Variants in PYHIN1 observed in about 807,000 individuals in gnomAD.
PYHIN1 encodes the protein pyrin and HIN domain-containing protein 1.
A neutral mutation model predicts 43.7 loss-of-function variants in PYHIN1; 32 were observed. The ratio of observed to expected loss-of-function variants is 0.73; its 90% CI spans 0.55 to 0.98. PYHIN1 has a LOEUF of 0.98. Among genes scored for constraint, PYHIN1 ranks in the 50% least tolerant of loss-of-function variants. The pLI, the probability that PYHIN1 is intolerant of heterozygous loss-of-function variation, is 0.00. For missense variants in PYHIN1, 588 were observed against 589.5 expected (o/e 1.00, Z 0.03); for synonymous variants, 205 against 203.1 (o/e 1.01, Z -0.08).
chr1:158,970,546 GT>G (rs1162175426), intron 7 of PYHIN1, among the ~76,000 whole-genome samples: 2 of 151,868 alleles, frequency 1.3e-5, no homozygotes, highest in African/African-American at 4.8e-5. Flanking sequence ...GATCTTATCA[GT>G]TTTGACTTAT....
At chr1:158,957,495 G>T (rs915545893) in intron 7 of PYHIN1, among the ~76,000 whole-genome samples, 1 of 151,342 alleles carries the variant, frequency 6.6e-6, no homozygotes, top group Non-Finnish European at 1.5e-5. Flanking sequence ...AGAAAAACAA[G>T]CAATGGGGAA....
chr1:158,988,975 A>G, the PYHIN1 span, among the ~76,000 whole-genome samples: 1 of 152,118 alleles, frequency 6.6e-6, no homozygotes, highest in Admixed American at 6.5e-5. Context: ...CCTGTACCAA[A>G]GGATGTTGAA....
intron 1 of PYHIN1, among the ~76,000 whole-genome samples, chr1:158,932,225 T>C (rs1430022752): frequency 6.6e-6 from 1 of 152,182 alleles, no homozygotes; most frequent in East Asian, 1.9e-4. Flanking sequence ...AAATACTGCA[T>C]GTTCTCACTT....
chr1:158,947,891 T>A (rs1308775494), intron 7 of PYHIN1, among the ~76,000 whole-genome samples: 1 of 152,238 alleles, frequency 6.6e-6, no homozygotes, highest in Non-Finnish European at 1.5e-5. Context: ...ACCTCCTTTG[T>A]ACCCACTTTA....
intron 7 of PYHIN1, among the ~76,000 whole-genome samples, chr1:158,967,288 T>C (rs1367118158): frequency 6.6e-6 from 1 of 152,020 alleles, no homozygotes; most frequent in Non-Finnish European, 1.5e-5. Flanking sequence ...TTGGATCCAT[T>C]TTTCTCATAA....
the PYHIN1 span, among the ~76,000 whole-genome samples, chr1:158,988,590 T>C: frequency 1.3e-5 from 2 of 152,196 alleles, no homozygotes; most frequent in Non-Finnish European, 2.9e-5. Context: ...ATCCTCATTA[T>C]ATAGTGAGAG....
At chr1:158,971,584 A>G (rs1650935925) in intron 7 of PYHIN1, among the ~76,000 whole-genome samples, 1 of 152,048 alleles carries the variant, frequency 6.6e-6, no homozygotes, top group Non-Finnish European at 1.5e-5. Flanking sequence ...GAGTGCTGAT[A>G]GCAAAATGAA....
chr1:158,974,848 C>T (rs1198775323), intron 8 of PYHIN1, among the ~76,000 whole-genome samples: 2 of 152,048 alleles, frequency 1.3e-5, no homozygotes, highest in Admixed American at 6.6e-5. Flanking sequence ...CATATGTAGT[C>T]ATTACCAGCT....
At chr1:158,961,314 C>T (rs1650306104) in intron 7 of PYHIN1, among the ~76,000 whole-genome samples, 3 of 151,978 alleles carry the variant, frequency 2.0e-5, no homozygotes. Flanking sequence ...ATTTGTTCTT[C>T]CTTACACTAA....
chr1:158,945,928 T>A (rs571450421), intron 7 of PYHIN1, among the ~76,000 whole-genome samples: 2 of 152,138 alleles, frequency 1.3e-5, no homozygotes, highest in African/African-American at 4.8e-5. Context: ...ATAGACACAC[T>A]CAAACATAAA....
intron 7 of PYHIN1, among the ~76,000 whole-genome samples, chr1:158,960,842 A>C (rs1436799862): frequency 6.6e-6 from 1 of 152,244 alleles, no homozygotes; most frequent in Non-Finnish European, 1.5e-5. Flanking sequence ...TTCTCATCTA[A>C]ATTCCACCAT....
At chr1:158,944,165 T>C (rs1291923454) in intron 6 of PYHIN1, among the ~76,000 whole-genome samples, 187 bp downstream of exon 6, 3 of 152,186 alleles carry the variant, frequency 2.0e-5, no homozygotes, top group Admixed American at 1.3e-4. Context: ...TGGACAATTA[T>C]CTTCTTCAAA....
At position 158,939,074 on chromosome 1, in the gene PYHIN1, T is replaced by G. The variant is rs927293599; in HGVS notation, c.412-6T>G. 5.7e-6 allele frequency: 9 copies of G among 1,572,762 alleles called. No individual in the cohort carries two copies. In the African/African-American group the frequency reaches 1.2e-4, roughly 22 times the overall value. ...GTAATTAACAAGAAAAATAAACTAC[T>G]TGTAGAAAAGAAAAAAACCATCTGA... On this transcript the variant is annotated splice_region_variant and splice_polypyrimidine_tract_variant and intron_variant, in intron 3 of 8. Transcript: ENST00000368140.
downstream of PYHIN1, among the ~76,000 whole-genome samples, chr1:158,977,974 G>A (rs116776556): frequency 7.7e-3 from 1,179 of 152,188 alleles, 16 homozygotes; most frequent in African/African-American, 0.027. Flanking sequence ...TGAAAAAGTA[G>A]ATAAATGCAA....
intron 7 of PYHIN1, among the ~76,000 whole-genome samples, chr1:158,969,337 C>G (rs72704948): frequency 6.6e-6 from 1 of 151,758 alleles, no homozygotes; most frequent in Non-Finnish European, 1.5e-5. Context: ...AATCAGATGC[C>G]TATATCTTCA....
At chr1:158,953,339 T>C (rs1649695137) in intron 7 of PYHIN1, among the ~76,000 whole-genome samples, 1 of 150,262 alleles carries the variant, frequency 6.7e-6, no homozygotes, top group Admixed American at 6.7e-5. Context: ...CTCTGCAGAC[T>C]TAAATGTCCC....
At chr1:158,977,867 G>A (rs1651349241), downstream of PYHIN1, among the ~76,000 whole-genome samples, 1 of 152,090 alleles carries the variant, frequency 6.6e-6, no homozygotes, top group South Asian at 2.1e-4. Flanking sequence ...CTAATGTTAG[G>A]AGAACAGGGA....
At chr1:158,945,778 A>G (rs954607697) in intron 7 of PYHIN1, among the ~76,000 whole-genome samples, 2 of 152,224 alleles carry the variant, frequency 1.3e-5, no homozygotes, top group Non-Finnish European at 2.9e-5. Context: ...CCAGCATAGA[A>G]CATGTAACGA....
downstream of PYHIN1, among the ~76,000 whole-genome samples, chr1:158,979,978 A>G (rs1039119842): frequency 6.6e-6 from 1 of 152,062 alleles, no homozygotes; most frequent in Non-Finnish European, 1.5e-5. Context: ...AGTAAGAACA[A>G]GTGGTATTTG....
Sources: allele counts gnomAD v4.1 joint callset (sites outside exome capture counted in the v4.1 genomes callset), GRCh38; gene constraint gnomAD v4.1.1; transcripts MANE v1.5; gene names NCBI Gene and HGNC (gene_info 2026-07-23, HGNC 2026-07-21).